Variants in RBP4 observed in about 807,000 individuals in gnomAD.
The protein encoded by RBP4 is retinol-binding protein 4.
In RBP4, 9 loss-of-function variants were observed where a neutral mutation model predicts 26.2. That is an observed-to-expected ratio of 0.34 (90% CI 0.21 to 0.60). RBP4 has a LOEUF of 0.60. Ranked by LOEUF, RBP4 falls within the 20% of genes least tolerant of loss-of-function variation. RBP4 has a pLI of 0.80. For synonymous variants in RBP4, 114 were observed against 111.0 expected (o/e 1.03, Z -0.17); for missense variants, 244 against 271.3 (o/e 0.90, Z 0.71).
intron 4 of RBP4, among the ~76,000 whole-genome samples, 191 bp from the exon 5 acceptor site, chr10:93,594,226 C>T (rs1304097245): frequency 6.6e-6 from 1 of 152,114 alleles, no homozygotes; most frequent in Non-Finnish European, 1.5e-5. Context: ...ATCTTGTTCT[C>T]CTTTATTGAA....
chr10:93,593,668 C>T (rs1438269581), intron 5 of RBP4, among the ~76,000 whole-genome samples, 155 bp downstream of exon 5: 1 of 152,168 alleles, frequency 6.6e-6, no homozygotes, highest in African/African-American at 2.4e-5. Context: ...AAAATCTGGC[C>T]AAGCAGGATC....
intron 4 of RBP4, among the ~76,000 whole-genome samples, chr10:93,596,691 T>G (rs967956155): frequency 2.6e-5 from 4 of 152,196 alleles, no homozygotes; most frequent in African/African-American, 9.7e-5. Context: ...CAGACTGGTT[T>G]AGCGGTTTGG....
intron 4 of RBP4, 62 bp from the exon 5 acceptor site, chr10:93,594,097 G>C: frequency 6.6e-7 from 1 of 1,506,712 alleles, no homozygotes; most frequent in South Asian, 1.1e-5. Context: ...AGATGTCGGA[G>C]AAACTCACGA....
In RBP4 at chr10:93,600,917, C is replaced by T. The variant is rs112811136; in HGVS notation, c.111+1G>A. 2 of 1,612,366 alleles carry T rather than the reference C, an allele frequency of 1.2e-6. No homozygotes were observed. Among genetic ancestry groups the T allele is most frequent in the Non-Finnish European group, 1.7e-6 (2 of 1,179,754 alleles). ...CCTGGGCCCCCTGGGCCGATACCTA[C>T]GCGAGCCTTGTCGAAGTTCTCCTTG... On this transcript the variant is annotated splice_donor_variant, in intron 2 of 5. Transcript: ENST00000371464. LOFTEE classifies it high-confidence loss of function.
upstream of RBP4, chr10:93,601,425 A>G (rs1468436462): frequency 1.6e-6 from 2 of 1,267,236 alleles, no homozygotes; most frequent in Non-Finnish European, 2.0e-6. Context: ...CCTCGGGCAC[A>G]GTGGAGCGGC....
intron 5 of RBP4, 62 bp from the exon 6 acceptor site, chr10:93,592,174 T>C: frequency 7.2e-7 from 1 of 1,393,326 alleles, no homozygotes. Context: ...ATGTAGATAA[T>C]GAACATCATG....
rs781752205 is a variant in RBP4, at chr10:93,600,732, C to T, written c.183G>A (p.Ala61=). Residue 61 remains alanine, a synonymous_variant, in exon 3 of 6, where the codon GCG becomes GCA. Transcript: ENST00000371464. ...EGLFLQDNIV[A]EFSVDETGQM... ...GGCCGGTCTCGTCCACGGAGAACTC[C>T]GCGACGATGTTGTCCTGCAGAAAGA... 6.2e-7 allele frequency: 1 copy of T among 1,611,022 alleles called. No individual in the cohort carries two copies.
At chr10:93,598,409 A>G (rs1364708257) in intron 4 of RBP4, among the ~76,000 whole-genome samples, 1 of 152,242 alleles carries the variant, frequency 6.6e-6, no homozygotes, top group Non-Finnish European at 1.5e-5. Flanking sequence ...TTCCACAAGT[A>G]GTGGTGGAGT....
Position 93,591,976 on chromosome 10 carries a change from A to G in RBP4, c.*99T>C, listed in dbSNP as rs772155215. 8.5e-5 allele frequency: 83 copies of G among 980,138 alleles called. No individual in the cohort carries two copies. The highest frequency in any genetic ancestry group is 1.1e-4 in the Non-Finnish European group (66 of 606,584). 60.7% of individuals were successfully genotyped at this position (980,138 alleles called of 1,614,324 possible). On this transcript the variant is annotated 3_prime_UTR_variant, in exon 6 of 6. Coordinates refer to ENST00000371464, the MANE Select transcript of RBP4 (RefSeq NM_006744.4). The stretch of plus-strand genomic sequence containing the variant: ...TGAAGGTTTTATGGGAACTGAGGGA[A>G]GATGGGGAGAGAAGGGCAAATTAAA...
At chr10:93,592,759 C>T (rs1564788301) in intron 5 of RBP4, among the ~76,000 whole-genome samples, 1 of 152,092 alleles carries the variant, frequency 6.6e-6, no homozygotes, top group Non-Finnish European at 1.5e-5. Flanking sequence ...AAGTTCCCAT[C>T]TGTTTGGTGT....
chr10:93,594,060 C>G lies in RBP4; in HGVS notation c.356-25G>C, dbSNP rs12265684. ...TCTGCAAGCCAGAAAGCCACCATGC[C>G]GATCAATGCCTTTCCCTCATGGGCT... On this transcript the variant is annotated intron_variant, in intron 4 of 5. Coordinates refer to ENST00000371464, the MANE Select transcript of RBP4 (RefSeq NM_006744.4). 0.19 allele frequency: 303,341 copies of G among 1,607,644 alleles called. 31,431 individuals are homozygous for G. Among genetic ancestry groups the G allele is most frequent in the African/African-American group, 0.35 (25,976 of 74,834 alleles).
At chr10:93,598,900 C>T (rs370446375) in intron 4 of RBP4, among the ~76,000 whole-genome samples, 4 of 152,234 alleles carry the variant, frequency 2.6e-5, no homozygotes, top group East Asian at 1.9e-4. Context: ...TTTTGCTGCA[C>T]TATTTGAAAT....
At chr10:93,599,643 ACT>A (rs2058323398) in intron 4 of RBP4, among the ~76,000 whole-genome samples, 1 of 151,888 alleles carries the variant, frequency 6.6e-6, no homozygotes, top group Non-Finnish European at 1.5e-5. Context: ...CAAAAGGTTA[ACT>A]CTCCCTCTCT....
intron 4 of RBP4, among the ~76,000 whole-genome samples, chr10:93,598,484 C>G (rs1352860501): frequency 6.6e-6 from 1 of 152,218 alleles, no homozygotes; most frequent in African/African-American, 2.4e-5. Context: ...TGCACAGCTT[C>G]TTTTTTGAAA....
In RBP4 at chr10:93,591,847, G is replaced by A. The variant is rs1405347651; in HGVS notation, c.*228C>T. On this transcript the variant is annotated 3_prime_UTR_variant, in exon 6 of 6. Coordinates refer to ENST00000371464, the MANE Select transcript of RBP4 (RefSeq NM_006744.4). The stretch of plus-strand genomic sequence containing the variant: ...AATGAAAACTAAAATCACAGGACAC[G>A]GGTGACTATAGTTTAATGAATCAGA... 15 of 565,912 alleles carry A rather than the reference G, an allele frequency of 2.7e-5. No homozygotes were observed. Among genetic ancestry groups the A allele is most frequent in the African/African-American group, 5.7e-5 (3 of 53,010 alleles). The allele number at this position is 565,912 out of a possible 1,614,324, so 35.1% of individuals were successfully genotyped here.
chr10:93,600,634 G>C (rs368838780), intron 3 of RBP4, 33 bp downstream of exon 3: 5 of 1,611,728 alleles, frequency 3.1e-6, no homozygotes, highest in Non-Finnish European at 4.2e-6. Context: ...ACCCTGGAGC[G>C]CAAAGGGCGC....
intron 4 of RBP4, among the ~76,000 whole-genome samples, chr10:93,598,647 A>G (rs1423036059): frequency 6.6e-6 from 1 of 152,232 alleles, no homozygotes; most frequent in African/African-American, 2.4e-5. Context: ...AAGCAAACTA[A>G]TCTGGTTTGA....
At chr10:93,592,975 G>A (rs763908476) in intron 5 of RBP4, among the ~76,000 whole-genome samples, 2 of 152,044 alleles carry the variant, frequency 1.3e-5, no homozygotes, top group African/African-American at 2.4e-5. Flanking sequence ...ATGCCACCAC[G>A]CCTGGCTAAT....
intron 5 of RBP4, 43 bp from the exon 6 acceptor site, chr10:93,592,155 C>G (rs372913305): frequency 1.3e-4 from 208 of 1,581,178 alleles, no homozygotes; most frequent in Non-Finnish European, 1.7e-4. Flanking sequence ...GAAAGTGGAC[C>G]CAGTTTTTAT....
Sources: gnomAD v4.1 joint callset for allele counts (sites outside exome capture counted in the v4.1 genomes callset) on GRCh38, gnomAD v4.1.1 for gene constraint, MANE v1.5 for transcripts, NCBI Gene and HGNC (gene_info 2026-07-23, HGNC 2026-07-21) for gene names.